The following TAX1BP1 variants were observed in gnomAD, a reference collection of about 807,000 sequenced individuals.
TAX1BP1 encodes tax1-binding protein 1.
In TAX1BP1, 62 loss-of-function variants were observed where a neutral mutation model predicts 97.7. The observed-to-expected ratio is 0.63, with a 90% CI of 0.52 to 0.78. The LOEUF is 0.78. TAX1BP1 is among the 30% of genes least tolerant of loss of function. The pLI is 0.00. For synonymous variants in TAX1BP1, 340 were observed against 304.2 expected (o/e 1.12, Z -1.23); for missense variants, 867 against 916.1 (o/e 0.95, Z 0.69).
intron 13 of TAX1BP1, among the ~76,000 whole-genome samples, chr7:27,808,428 A>C (rs1790426156): frequency 6.6e-6 from 1 of 152,202 alleles, no homozygotes; most frequent in Non-Finnish European, 1.5e-5. Context: ...AGAATTGCTA[A>C]CCCATAGCAC....
At chr7:27,763,877 A>G (rs1788525233) in intron 3 of TAX1BP1, among the ~76,000 whole-genome samples, 1 of 152,240 alleles carries the variant, frequency 6.6e-6, no homozygotes, top group South Asian at 2.1e-4. Context: ...TTAAGCTTTT[A>G]AATAAGCCTA....
chr7:27,766,242 A>T lies in TAX1BP1; in HGVS notation c.453+221A>T, dbSNP rs556604080. Among the ~76,000 whole-genome samples, 10 of 152,076 alleles carry T rather than the reference A, an allele frequency of 6.6e-5. No homozygotes were observed. The South Asian group carries it at 2.1e-3, about 32-fold the overall frequency. Reference sequence around the variant, plus strand: ...GAGACCATCCTGGCTAACACGGTGTAACTCTGTCTCTACTAAGAATACAAA... The same window carrying T: ...GAGACCATCCTGGCTAACACGGTGTTACTCTGTCTCTACTAAGAATACAAA... On this transcript the variant is annotated intron_variant, in intron 4 of 16. Transcript: ENST00000396319.
Position 27,793,182 on chromosome 7 carries a change from A to G in TAX1BP1, c.1380A>G (p.Gln460=). ...KEKFKECQRL[Q]KQINKLSDQS... ...AATTTAAGGAATGCCAAAGGCTCCA[A>G]AAACAAATAAACAAACTTTCAGATC... Residue 460 remains glutamine, a synonymous_variant, in exon 10 of 17, where the codon CAA becomes CAG. Coordinates refer to ENST00000396319, the MANE Select transcript of TAX1BP1 (RefSeq NM_006024.7). 1 of 1,589,660 alleles carries G rather than the reference A, an allele frequency of 6.3e-7. No individual in the cohort carries two copies. Among genetic ancestry groups the G allele is most frequent in the Non-Finnish European group, 8.5e-7 (1 of 1,174,580 alleles).
chr7:27,769,949 T>A, intron 5 of TAX1BP1, 115 bp downstream of exon 5: 2 of 950,588 alleles, frequency 2.1e-6, no homozygotes, highest in Non-Finnish European at 3.2e-6. Context: ...AAAAGTAGCC[T>A]TTTAGATAGA....
At chr7:27,775,639 G>T (rs1359442913) in intron 5 of TAX1BP1, among the ~76,000 whole-genome samples, 2 of 152,120 alleles carry the variant, frequency 1.3e-5, no homozygotes, top group Non-Finnish European at 2.9e-5. Context: ...TATACAAGTT[G>T]TGGCTTCTCT....
intron 13 of TAX1BP1, among the ~76,000 whole-genome samples, chr7:27,815,748 CTT>C (rs1025084879): frequency 6.6e-6 from 1 of 151,658 alleles, no homozygotes; most frequent in African/African-American, 2.4e-5. Context: ...TTTAAGGAGA[CTT>C]TTTGGCCGGG....
intron 13 of TAX1BP1, among the ~76,000 whole-genome samples, chr7:27,802,821 T>G (rs1245157921): frequency 6.6e-6 from 1 of 151,948 alleles, no homozygotes; most frequent in African/African-American, 2.4e-5. Flanking sequence ...AGAAGAAACT[T>G]TGGAGAATAC....
chr7:27,774,963 A>T lies in TAX1BP1; in HGVS notation c.612+5129A>T, dbSNP rs1186789091. Among the ~76,000 whole-genome samples the T allele has an allele frequency of 2.6e-5, 4 of 152,254 alleles. No homozygotes were observed. The East Asian group carries it at 7.7e-4, about 29-fold the overall frequency. On this transcript the variant is annotated intron_variant, in intron 5 of 16. Coordinates refer to ENST00000396319, the MANE Select transcript of TAX1BP1 (RefSeq NM_006024.7). ...CATTTACTTAGCATGTTTTGATTGA[A>T]AACCAGAAAAAAGAAGTTTAATACC...
chr7:27,758,182 C>A, intron 3 of TAX1BP1, 49 bp downstream of exon 3: 1 of 1,397,524 alleles, frequency 7.2e-7, no homozygotes, highest in Non-Finnish European at 1.0e-6. Context: ...GTCTTATTGC[C>A]ATTAAAGATG....
At chr7:27,758,671 T>C (rs937002413) in intron 3 of TAX1BP1, among the ~76,000 whole-genome samples, 11 of 152,278 alleles carry the variant, frequency 7.2e-5, no homozygotes, top group African/African-American at 2.6e-4. Context: ...GGGTGAACAC[T>C]GAGGATGTTA....
chr7:27,785,594 T>C (rs1407886725), intron 7 of TAX1BP1, 105 bp downstream of exon 7: 9 of 917,994 alleles, frequency 9.8e-6, no homozygotes, highest in Non-Finnish European at 1.5e-5. Flanking sequence ...GCTGAGTGGT[T>C]CTGGCTCTAG....
chr7:27,792,955 C>T, intron 9 of TAX1BP1, 111 bp from the exon 10 acceptor site: 1 of 979,958 alleles, frequency 1.0e-6, no homozygotes, highest in Non-Finnish European at 1.5e-6. Flanking sequence ...GAGCAAGACT[C>T]TGTCTCAAAA....
rs1169584658 is a variant in TAX1BP1 at position 27,829,501 on chromosome 7, A to G, written c.*672A>G. Reference sequence around the variant, plus strand: ...AGTTGTATGTATATATCTAATGGGAAAATGGAACAAGAGATGTCAGTATAA... The same window carrying G: ...AGTTGTATGTATATATCTAATGGGAGAATGGAACAAGAGATGTCAGTATAA... On this transcript the variant is annotated 3_prime_UTR_variant, in exon 17 of 17. Coordinates refer to ENST00000396319, the MANE Select transcript of TAX1BP1 (RefSeq NM_006024.7). The G allele has an allele frequency of 6.6e-6, 1 of 152,216 alleles. No individual in the cohort carries two copies. Among genetic ancestry groups the G allele is most frequent in the African/African-American group, 2.4e-5 (1 of 41,464 alleles). The allele number at this position is 152,216 out of a possible 1,614,324, so 9.4% of individuals were successfully genotyped here.
chr7:27,804,240 C>T (rs887580615), intron 13 of TAX1BP1, among the ~76,000 whole-genome samples: 4 of 152,154 alleles, frequency 2.6e-5, no homozygotes, highest in African/African-American at 9.7e-5. Context: ...AGCGATGTTA[C>T]AAAATCATGT....
chr7:27,825,132 T>C (rs1791126624), intron 15 of TAX1BP1, among the ~76,000 whole-genome samples: 1 of 114,992 alleles, frequency 8.7e-6, no homozygotes, highest in Non-Finnish European at 2.0e-5. Flanking sequence ...TGGTGTCATA[T>C]TCTTTTAAGA....
chr7:27,798,072 C>A (rs1465375850), intron 12 of TAX1BP1, among the ~76,000 whole-genome samples: 2 of 152,044 alleles, frequency 1.3e-5, no homozygotes, highest in African/African-American at 2.4e-5. Context: ...ATTAGCCTAC[C>A]TTTTAGACAA....
chr7:27,763,729 C>T (rs1788516563), intron 3 of TAX1BP1, among the ~76,000 whole-genome samples: 1 of 151,136 alleles, frequency 6.6e-6, no homozygotes, highest in Non-Finnish European at 1.5e-5. Flanking sequence ...GATCAGGCCA[C>T]TGCACTCCAG....
chr7:27,759,635 G>C (rs11763610), intron 3 of TAX1BP1, among the ~76,000 whole-genome samples: 2 of 151,552 alleles, frequency 1.3e-5, no homozygotes, highest in East Asian at 3.9e-4. Context: ...TTCCCCTGGG[G>C]CTGGCTATTA....
At chr7:27,809,257 A>C (rs1486100463) in intron 13 of TAX1BP1, among the ~76,000 whole-genome samples, 7 of 152,238 alleles carry the variant, frequency 4.6e-5, no homozygotes, top group Non-Finnish European at 1.5e-5. Context: ...AGTGGTGATG[A>C]ATATAAAGGC....
Sources: allele counts gnomAD v4.1 joint callset (sites outside exome capture counted in the v4.1 genomes callset), GRCh38; gene constraint gnomAD v4.1.1; transcripts MANE v1.5; gene names NCBI Gene and HGNC (gene_info 2026-07-23, HGNC 2026-07-21).